PLAGL1: variants seen among roughly 807,000 people sequenced by gnomAD.
The protein encoded by PLAGL1 is zinc finger protein PLAGL1.
Under a neutral mutation model 4.6 loss-of-function variants are expected in PLAGL1, and 1 was observed. That is an observed-to-expected ratio of 0.22 (90% CI 0.08 to 1.03). The LOEUF (loss-of-function observed/expected upper bound fraction) is 1.03, where lower values mean the gene tolerates loss of function less well. Ranked by LOEUF, PLAGL1 falls within the 50% of genes least tolerant of loss-of-function variation. PLAGL1 has a pLI of 0.58. For synonymous variants in PLAGL1, 240 were observed against 237.8 expected (o/e 1.01, Z -0.08); for missense variants, 464 against 570.4 (o/e 0.81, Z 1.90).
rs575532875 is a variant in PLAGL1 at position 143,954,778 on chromosome 6, A to G, written c.-325+5691T>C. On this transcript the variant is annotated intron_variant, in intron 6 of 7. Transcript: ENST00000674357. This position sits in a 1 kb window ranked among gnomAD's most constrained non-coding sequence, Gnocchi z 5.1. ...AATGAAAGGCATAAAATTGGAATGG[A>G]ATAATTATTTATTTGCAGAGGAATG... Among the ~76,000 whole-genome samples, 53 of 152,358 alleles carry G rather than the reference A, an allele frequency of 3.5e-4. No individual in the cohort carries two copies. Among genetic ancestry groups the G allele is most frequent in the African/African-American group, 1.3e-3 (52 of 41,578 alleles).
intron 1 of PLAGL1, among the ~76,000 whole-genome samples, chr6:144,040,132 C>A (rs1797610294): frequency 2.0e-5 from 3 of 152,064 alleles, no homozygotes; most frequent in Admixed American, 1.3e-4. Flanking sequence ...AGGGAGGGAC[C>A]TACAGGGAAC....
At chr6:143,974,958 TC>T (rs1379380234) in intron 2 of PLAGL1, among the ~76,000 whole-genome samples, 3 of 152,224 alleles carry the variant, frequency 2.0e-5, no homozygotes, top group Admixed American at 6.5e-5. Context: ...CATTTACGTA[TC>T]TTTCAAAAGC....
Position 143,942,533 on chromosome 6 carries a change from C to G in PLAGL1, c.283G>C (p.Glu95Gln), listed in dbSNP as rs1269542697. The G allele has an allele frequency of 2.5e-6, 4 of 1,614,172 alleles. No homozygotes were observed. The highest frequency in any genetic ancestry group is 3.4e-6 in the Non-Finnish European group (4 of 1,180,038). Residue 95 changes from glutamate (E) to glutamine (Q), a missense_variant, in exon 8 of 8, where the codon GAG (glutamate) becomes CAG (glutamine). By Grantham distance (29) the Glu-to-Gln change is conservative. This residue lies in a region of PLAGL1 where 161 missense variants were observed against 196.7 expected (regional missense o/e 0.82). Transcript: ENST00000674357. The surrounding 1 kb of genome is among the most constrained non-coding windows in gnomAD (Gnocchi z 7.6). Reference sequence around the variant, plus strand: ...ATGGTGTTGTACTTCTTCCCACACTCCTCACACCCAAAGGCCATTTTGTTG... The same window carrying G: ...ATGGTGTTGTACTTCTTCCCACACTGCTCACACCCAAAGGCCATTTTGTTG... ...DPNKMAFGCE[E>Q]CGKKYNTMLG...
At chr6:144,011,736 G>A (rs779531115), upstream of PLAGL1, among the ~76,000 whole-genome samples, 13 of 152,226 alleles carry the variant, frequency 8.5e-5, no homozygotes, top group South Asian at 2.1e-4. This position sits in a 1 kb window ranked among gnomAD's most constrained non-coding sequence, Gnocchi z 4.3. Flanking sequence ...CTCAGACAGA[G>A]TATAAAGCTT....
rs1235922512 is a variant in PLAGL1 at position 143,954,478 on chromosome 6, AC to A, written c.-325+5990del. On this transcript the variant is annotated intron_variant, in intron 6 of 7. Coordinates refer to ENST00000674357, the MANE Select transcript of PLAGL1 (RefSeq NM_001317162.2). This position sits in a 1 kb window ranked among gnomAD's most constrained non-coding sequence, Gnocchi z 5.1. ...CATTTGAGTCAAACTTGCAAGGGGA[AC>A]ACTTGAGAACCCAGAGAGCATCTGA... 5.3e-5 allele frequency among the ~76,000 whole-genome samples: 8 copies of A among 152,344 alleles called. No homozygotes were observed. Among genetic ancestry groups the A allele is most frequent in the Non-Finnish European group, 7.3e-5 (5 of 68,030 alleles).
intron 1 of PLAGL1, among the ~76,000 whole-genome samples, chr6:144,018,650 C>G (rs1168397949): frequency 6.6e-6 from 1 of 152,092 alleles, no homozygotes; most frequent in Non-Finnish European, 1.5e-5. Context: ...TTTTATTCAT[C>G]AATTTAAAGA....
intron 1 of PLAGL1, among the ~76,000 whole-genome samples, chr6:144,047,286 A>G (rs1008938598): frequency 3.3e-4 from 50 of 152,156 alleles, no homozygotes; most frequent in African/African-American, 1.2e-3. Flanking sequence ...CATCGATCAC[A>G]CTGGGAGCTG....
At position 143,959,634 on chromosome 6, in the gene PLAGL1, T is replaced by G. The variant is rs1782920212; in HGVS notation, c.-325+835A>C. Among the ~76,000 whole-genome samples the G allele has an allele frequency of 6.6e-6, 1 of 152,194 alleles. No homozygotes were observed. The highest frequency in any genetic ancestry group is 1.5e-5 in the Non-Finnish European group (1 of 68,028). ...TCATGCTATTCCAATAATTTCCATC[T>G]CATAGCCCTAAGAGATAGGTAGAAG... On this transcript the variant is annotated intron_variant, in intron 6 of 7. Coordinates refer to ENST00000674357, the MANE Select transcript of PLAGL1 (RefSeq NM_001317162.2). This position sits in a 1 kb window ranked among gnomAD's most constrained non-coding sequence, Gnocchi z 5.3.
At position 143,989,985 on chromosome 6, in the gene PLAGL1, T is replaced by A. The variant is rs139739969; in HGVS notation, c.-583-4811A>T. ...CTCTAAACTCAGAAACTTCCCCATA[T>A]CCACAGGAGGATGCACCCTCCCTAA... On this transcript the variant is annotated intron_variant, in intron 1 of 7. Coordinates refer to ENST00000674357, the MANE Select transcript of PLAGL1 (RefSeq NM_001317162.2). This position sits in a 1 kb window ranked among gnomAD's most constrained non-coding sequence, Gnocchi z 4.8. Among the ~76,000 whole-genome samples, 4 of 152,186 alleles carry A rather than the reference T, an allele frequency of 2.6e-5. No individual in the cohort carries two copies. Among genetic ancestry groups the A allele is most frequent in the African/African-American group, 9.6e-5 (4 of 41,534 alleles).
In PLAGL1 at chr6:143,994,277, A is replaced by G. The variant is rs1378665511; in HGVS notation, c.-583-9103T>C. 6.6e-6 allele frequency among the ~76,000 whole-genome samples: 1 copy of G among 152,224 alleles called. No homozygotes were observed. The highest frequency in any genetic ancestry group is 1.5e-5 in the Non-Finnish European group (1 of 68,038). On this transcript the variant is annotated intron_variant, in intron 1 of 7. Transcript: ENST00000674357. The surrounding 1 kb of genome is among the most constrained non-coding windows in gnomAD (Gnocchi z 4.3). ...TTTAATAATCTCAGAAAGGTGTCAG[A>G]AAAACGAGGAATTTTCCTATATATT...
Position 143,960,643 on chromosome 6 carries a change from T to A in PLAGL1, c.-398-101A>T, listed in dbSNP as rs557693490. On this transcript the variant is annotated intron_variant, in intron 5 of 7. Transcript: ENST00000674357. This position sits in a 1 kb window ranked among gnomAD's most constrained non-coding sequence, Gnocchi z 5.7. ...TTCACTTCTAGAGCACACACACGAC[T>A]GGCGATGTGCACAGGAGATTTTCTA... The A allele has an allele frequency of 3.3e-4, 51 of 152,356 alleles. No individual in the cohort carries two copies. The highest frequency in any genetic ancestry group is 1.2e-3 in the African/African-American group (51 of 41,584). The allele number at this position is 152,356 out of a possible 1,614,324, so 9.4% of individuals were successfully genotyped here. A position where few individuals can be genotyped will look rare whatever the true frequency, so the allele number is the denominator to read the frequency against.
At chr6:144,043,323 GC>G (rs1193178395) in intron 1 of PLAGL1, among the ~76,000 whole-genome samples, 1 of 152,162 alleles carries the variant, frequency 6.6e-6, no homozygotes, top group African/African-American at 2.4e-5. Flanking sequence ...GTCATAAATA[GC>G]TCTTATTATT....
rs185165425 is a variant in PLAGL1 at position 143,972,202 on chromosome 6, C to T, written c.-543-3224G>A. ...CCCCATTCATTCAGCTCGCATTTACCGAGCCAAGAGCTCTGCTAGGCTTGA... is the reference window on the plus strand; with the variant it reads ...CCCCATTCATTCAGCTCGCATTTACTGAGCCAAGAGCTCTGCTAGGCTTGA... On this transcript the variant is annotated intron_variant, in intron 2 of 7. Transcript: ENST00000674357. The surrounding 1 kb of genome is among the most constrained non-coding windows in gnomAD (Gnocchi z 6.8). Among the ~76,000 whole-genome samples the T allele has an allele frequency of 2.0e-4, 30 of 152,284 alleles. No homozygotes were observed. The East Asian group carries it at 4.8e-3, about 25-fold the overall frequency.
In PLAGL1 at chr6:143,941,563, A is replaced by T. The variant is rs768204588; in HGVS notation, c.1253T>A (p.Leu418Gln). The change falls in exon 8 of 8, where the codon CTG (leucine) becomes CAG (glutamine). Residue 418 changes from leucine (L) to glutamine (Q), a missense_variant. Coordinates refer to ENST00000674357, the MANE Select transcript of PLAGL1 (RefSeq NM_001317162.2). The surrounding 1 kb of genome is among the most constrained non-coding windows in gnomAD (Gnocchi z 6.0). ...TGGGGGTTCTTGCTGCTGCTGCCCC[A>T]GACAGCTTAACCTGTGGGGCAAAGA... Reference protein sequence around the residue: ...GESLPHRLSCLGQQQQEPPLA... With the variant: ...GESLPHRLSCQGQQQQEPPLA... 1.4e-5 allele frequency: 23 copies of T among 1,589,600 alleles called. No homozygotes were observed. The East Asian group carries it at 4.9e-4, about 34-fold the overall frequency.
In PLAGL1 at chr6:143,948,118, GGC is replaced by G; in HGVS notation, c.17_18del (p.Cys6SerfsTer32). 1 of 1,613,650 alleles carries G rather than the reference GGC, an allele frequency of 6.2e-7. No individual in the cohort carries two copies. On this transcript the variant is annotated frameshift_variant, in exon 7 of 8. Transcript: ENST00000674357. LOFTEE classifies it high-confidence loss of function. The surrounding 1 kb of genome is among the most constrained non-coding windows in gnomAD (Gnocchi z 6.0). Reference sequence around the variant, plus strand: ...GTGAGGAACGTCTTGCCACATAACTGGCAGGGGAACGTGGCCATGGGCTTTGC... The same window carrying G: ...GTGAGGAACGTCTTGCCACATAACTGAGGGGAACGTGGCCATGGGCTTTGC... The part of the protein sequence containing the change: MATFP[C>X]QLCGKTFLTL...
chr6:144,030,281 A>AAAAAG (rs1296064916), intron 1 of PLAGL1, among the ~76,000 whole-genome samples: 74 of 132,962 alleles, frequency 5.6e-4, no homozygotes, highest in African/African-American at 1.3e-3. Context: ...AAAAAAAAAA[A>AAAAAG]AAGAAGATGT....
rs1394337868 is a variant in PLAGL1 at position 143,997,690 on chromosome 6, C to T, written c.-584+10400G>A. ...GGCAGAGTGAGATACCATCTTGGGG[C>T]GGAGGGGGCTGGCGGGGAAGGAATA... On this transcript the variant is annotated intron_variant, in intron 1 of 7. Coordinates refer to ENST00000674357, the MANE Select transcript of PLAGL1 (RefSeq NM_001317162.2). This position sits in a 1 kb window ranked among gnomAD's most constrained non-coding sequence, Gnocchi z 4.6. 7.9e-5 allele frequency among the ~76,000 whole-genome samples: 12 copies of T among 151,702 alleles called. No homozygotes were observed. The highest frequency in any genetic ancestry group is 1.9e-4 in the East Asian group (1 of 5,146).
intron 1 of PLAGL1, among the ~76,000 whole-genome samples, chr6:144,062,392 A>AG (rs572352439): frequency 5.8e-4 from 88 of 151,564 alleles, no homozygotes; most frequent in African/African-American, 1.9e-3. Flanking sequence ...AAAAAAAAAA[A>AG]AGAGAGAGAC....
At chr6:143,987,328 C>T (rs111809995) in intron 1 of PLAGL1, among the ~76,000 whole-genome samples, 6,307 of 151,598 alleles carry the variant, frequency 0.042, 451 homozygotes, top group African/African-American at 0.14. Flanking sequence ...CCTCAGCCTC[C>T]GAACACAGCA....
Sources: gnomAD v4.1 joint callset for allele counts (sites outside exome capture counted in the v4.1 genomes callset) on GRCh38, gnomAD v4.1.1 for gene constraint, gnomAD v4.1.1 regional missense constraint, Gnocchi (gnomAD v3.1) non-coding constraint, MANE v1.5 for transcripts, NCBI Gene and HGNC (gene_info 2026-07-23, HGNC 2026-07-21) for gene names.